DDHD1: variants seen among roughly 807,000 people sequenced by gnomAD.
DDHD1 encodes phospholipase DDHD1.
In DDHD1, 49 loss-of-function variants were observed where a neutral mutation model predicts 96.4. The observed-to-expected ratio is 0.51, with a 90% CI of 0.40 to 0.64. The LOEUF (loss-of-function observed/expected upper bound fraction) is 0.64, where lower values mean the gene tolerates loss of function less well. Ranked by LOEUF, DDHD1 falls within the 30% of genes least tolerant of loss-of-function variation. DDHD1 has a pLI of 0.00. For missense variants in DDHD1, 1,106 were observed against 1,161.2 expected, an observed-to-expected ratio of 0.95 and a Z score of 0.69; for synonymous variants, 442 against 446.5, an observed-to-expected ratio of 0.99 and a Z score of 0.13.
intron 1 of DDHD1, among the ~76,000 whole-genome samples, chr14:53,124,263 A>G (rs1889261098): frequency 6.6e-6 from 1 of 151,284 alleles, no homozygotes; most frequent in Admixed American, 6.6e-5. Context: ...ATATATATAT[A>G]TGGTTAAAAA....
chr14:53,142,072 T>C (rs2139886307), intron 1 of DDHD1, among the ~76,000 whole-genome samples: 1 of 152,304 alleles, frequency 6.6e-6, no homozygotes, highest in Admixed American at 6.5e-5. Context: ...AATAATCACC[T>C]GATGATAACT....
intron 4 of DDHD1, among the ~76,000 whole-genome samples, chr14:53,079,957 G>A (rs556480619): frequency 2.2e-4 from 33 of 152,232 alleles, no homozygotes; most frequent in Admixed American, 3.3e-4. Flanking sequence ...CCACATACTC[G>A]TTTTCATTGC....
intron 1 of DDHD1, among the ~76,000 whole-genome samples, chr14:53,122,922 TGA>T (rs1889114642): frequency 6.6e-6 from 1 of 151,858 alleles, no homozygotes; most frequent in South Asian, 2.1e-4. Context: ...TTCTGTCTCC[TGA>T]TTAAAATATA....
chr14:53,083,120 T>A (rs1049984022), intron 4 of DDHD1, among the ~76,000 whole-genome samples: 6 of 151,916 alleles, frequency 3.9e-5, no homozygotes, highest in Non-Finnish European at 8.8e-5. Flanking sequence ...AAAAAATAAG[T>A]TTCGTTGATA....
At chr14:53,151,253 G>T (rs1249093984) in intron 1 of DDHD1, among the ~76,000 whole-genome samples, 1 of 152,180 alleles carries the variant, frequency 6.6e-6, no homozygotes, top group East Asian at 1.9e-4. Context: ...AGGATCTAAA[G>T]GTTGTCACAA....
At chr14:53,123,675 G>T (rs1394093095) in intron 1 of DDHD1, among the ~76,000 whole-genome samples, 1 of 152,094 alleles carries the variant, frequency 6.6e-6, no homozygotes, top group African/African-American at 2.4e-5. Context: ...GAATGAGACT[G>T]TTTACATAAA....
intron 8 of DDHD1, among the ~76,000 whole-genome samples, chr14:53,059,394 G>A (rs1036477382): frequency 1.3e-5 from 2 of 151,740 alleles, no homozygotes; most frequent in Middle Eastern, 3.4e-3. Context: ...ACAGGCGCCC[G>A]CCACCACGCC....
intron 12 of DDHD1, 112 bp from the exon 13 acceptor site, chr14:53,047,061 CT>C (rs1296349186): frequency 1.8e-5 from 14 of 783,318 alleles, no homozygotes; most frequent in Non-Finnish European, 2.4e-5. Flanking sequence ...GATTCTGTCA[CT>C]TTTTTAAGAA....
rs565687064 is a variant in DDHD1 at position 53,125,511 on chromosome 14, T to C, written c.839-21655A>G. On this transcript the variant is annotated intron_variant, in intron 1 of 12. Coordinates refer to ENST00000673822, the MANE Select transcript of DDHD1 (RefSeq NM_001160148.2). ...GATACAATCAATTCCACACTGATTATAGCCATTCTATCAGATTATTAAAAT... is the reference window on the plus strand; with the variant it reads ...GATACAATCAATTCCACACTGATTACAGCCATTCTATCAGATTATTAAAAT... 7.9e-4 allele frequency among the ~76,000 whole-genome samples: 120 copies of C among 152,360 alleles called. No homozygotes were observed. In the South Asian group the frequency reaches 0.013, roughly 16 times the overall value.
At chr14:53,069,737 C>A (rs1300307534) in intron 6 of DDHD1, among the ~76,000 whole-genome samples, 1 of 152,068 alleles carries the variant, frequency 6.6e-6, no homozygotes, top group Non-Finnish European at 1.5e-5. Flanking sequence ...TACAATGGTA[C>A]CCTCAAATTC....
In DDHD1 at chr14:53,093,450, G is replaced by T; in HGVS notation, c.1013-6C>A. ...CAACTTGAAACTATGAACAGCTATT[G>T]CAAAAAGGAAAAGCTAATTTGAAGG... On this transcript the variant is annotated splice_region_variant and splice_polypyrimidine_tract_variant and intron_variant, in intron 2 of 12. Coordinates refer to ENST00000673822, the MANE Select transcript of DDHD1 (RefSeq NM_001160148.2). 1 of 1,603,370 alleles carries T rather than the reference G, an allele frequency of 6.2e-7. No homozygotes were observed. The highest frequency in any genetic ancestry group is 8.5e-7 in the Non-Finnish European group (1 of 1,176,934).
chr14:53,047,142 A>G (rs1882083405), intron 12 of DDHD1, among the ~76,000 whole-genome samples, 193 bp from the exon 13 acceptor site: 1 of 152,220 alleles, frequency 6.6e-6, no homozygotes, highest in Non-Finnish European at 1.5e-5. Flanking sequence ...TTCTATTTGT[A>G]AAGTTCTTTC....
chr14:53,109,618 G>C (rs150447877), intron 1 of DDHD1, among the ~76,000 whole-genome samples: 1 of 152,160 alleles, frequency 6.6e-6, no homozygotes, highest in East Asian at 1.9e-4. Context: ...GAGTCCTTTT[G>C]TTCTTACAGC....
intron 8 of DDHD1, among the ~76,000 whole-genome samples, chr14:53,059,620 C>T (rs1883363717): frequency 6.7e-6 from 1 of 149,568 alleles, no homozygotes; most frequent in South Asian, 2.1e-4. Context: ...AATCCCAGCA[C>T]TTTGGGAGGC....
At chr14:53,064,739 A>G (rs1336166511) in intron 6 of DDHD1, among the ~76,000 whole-genome samples, 1 of 152,116 alleles carries the variant, frequency 6.6e-6, no homozygotes, top group Non-Finnish European at 1.5e-5. Flanking sequence ...TGGATTTGAC[A>G]GCATTTTCTT....
rs76815873 is a variant in DDHD1, at chr14:53,095,159, G to A, written c.1013-1715C>T. 2.3e-3 allele frequency among the ~76,000 whole-genome samples: 349 copies of A among 152,208 alleles called. 2 individuals carry two copies. Among genetic ancestry groups the A allele is most frequent in the African/African-American group, 7.9e-3 (328 of 41,522 alleles). On this transcript the variant is annotated intron_variant, in intron 2 of 12. Coordinates refer to ENST00000673822, the MANE Select transcript of DDHD1 (RefSeq NM_001160148.2). ...CTTAAGCTTTTCCTTTATAGCTCTG[G>A]TATATAGGTAGGAAAAATTAACATA...
At chr14:53,142,785 G>T (rs1297371693) in intron 1 of DDHD1, among the ~76,000 whole-genome samples, 6 of 152,206 alleles carry the variant, frequency 3.9e-5, no homozygotes, top group African/African-American at 1.2e-4. Flanking sequence ...AATCTTTCTG[G>T]GGCCTGAGAA....
At chr14:53,144,957 C>T (rs1168797033) in intron 1 of DDHD1, among the ~76,000 whole-genome samples, 1 of 152,034 alleles carries the variant, frequency 6.6e-6, no homozygotes, top group Non-Finnish European at 1.5e-5. Context: ...CAAGACCAGG[C>T]TTACCAACAT....
chr14:53,126,073 CT>C (rs1265181552), intron 1 of DDHD1, among the ~76,000 whole-genome samples: 2 of 152,152 alleles, frequency 1.3e-5, no homozygotes, highest in African/African-American at 4.8e-5. Flanking sequence ...GAAATATGTA[CT>C]TTAAGTTCTT....
Sources: gnomAD v4.1 joint callset for allele counts (sites outside exome capture counted in the v4.1 genomes callset) on GRCh38, gnomAD v4.1.1 for gene constraint, MANE v1.5 for transcripts, NCBI Gene and HGNC (gene_info 2026-07-23, HGNC 2026-07-21) for gene names.